Variants in IL1RAPL1 observed in about 807,000 individuals in gnomAD.
IL1RAPL1 encodes interleukin 1 receptor accessory protein like 1.
Under a neutral mutation model 48.4 loss-of-function variants are expected in IL1RAPL1, and 3 were observed. The observed-to-expected ratio is 0.06, with a 90% CI of 0.03 to 0.16. The LOEUF (loss-of-function observed/expected upper bound fraction) is 0.16. Ranked by LOEUF, IL1RAPL1 falls within the 10% of genes least tolerant of loss-of-function variation. IL1RAPL1 has a pLI of 1.00. For synonymous variants in IL1RAPL1, 185 were observed against 187.7 expected, an observed-to-expected ratio of 0.99 and a Z score of 0.12; for missense variants, 349 against 530.6, an observed-to-expected ratio of 0.66 and a Z score of 3.36.
intron 1 of IL1RAPL1, among the ~76,000 whole-genome samples, chrX:28,591,163 A>C (rs1266917474): frequency 4.5e-5 from 5 of 111,960 alleles, no homozygotes; most frequent in Admixed American, 9.5e-5. Flanking sequence ...AATATTTGGG[A>C]AAAAAAGAAA....
chrX:28,715,622 CTG>C (rs1935495496), intron 1 of IL1RAPL1, among the ~76,000 whole-genome samples: 1 of 111,457 alleles, frequency 9.0e-6, no homozygotes, highest in African/African-American at 3.3e-5. Context: ...CCTCCCAAGA[CTG>C]AACCAGGAAG....
intron 2 of IL1RAPL1, among the ~76,000 whole-genome samples, chrX:28,951,783 G>A (rs1352403784): frequency 1.8e-5 from 2 of 111,984 alleles, no homozygotes; most frequent in Admixed American, 1.9e-4. Context: ...TGGAGCATCT[G>A]AGCTTCCTGA....
intron 2 of IL1RAPL1, among the ~76,000 whole-genome samples, chrX:28,987,837 A>G (rs1925512279): frequency 8.9e-6 from 1 of 112,183 alleles, no homozygotes; most frequent in Admixed American, 9.5e-5. Flanking sequence ...GTGTATCAGG[A>G]TAAGTGGTCT....
intron 2 of IL1RAPL1, among the ~76,000 whole-genome samples, chrX:29,058,818 ACT>A (rs780335910): frequency 9.0e-6 from 1 of 111,559 alleles, no homozygotes; most frequent in East Asian, 2.8e-4. Flanking sequence ...GTGGAACGTG[ACT>A]CTCTTCAGCT....
At chrX:29,024,185 A>G (rs1157132027) in intron 2 of IL1RAPL1, among the ~76,000 whole-genome samples, 1 of 111,813 alleles carries the variant, frequency 8.9e-6, no homozygotes, top group East Asian at 2.8e-4. Flanking sequence ...AATCTCAGCT[A>G]TTGTGCAATG....
chrX:29,319,153 T>TCTATCTATCTGTCTGC (rs756619998), intron 3 of IL1RAPL1, among the ~76,000 whole-genome samples: 4 of 79,454 alleles, frequency 5.0e-5, no homozygotes, highest in Non-Finnish European at 4.8e-5. Flanking sequence ...TATCTGTCTA[T>TCTATCTATCTGTCTGC]CTGTCTGTCT....
intron 2 of IL1RAPL1, among the ~76,000 whole-genome samples, chrX:29,005,870 G>A (rs1925964901): frequency 9.0e-6 from 1 of 111,729 alleles, no homozygotes; most frequent in Non-Finnish European, 1.9e-5. Flanking sequence ...AATCTAATTT[G>A]CTAATATAAA....
intron 10 of IL1RAPL1, 107 bp downstream of exon 10, chrX:29,954,799 A>G (rs1159176775): frequency 2.8e-6 from 2 of 706,630 alleles, no homozygotes; most frequent in African/African-American, 4.2e-5. Flanking sequence ...CAAAATTTGT[A>G]TCTGTTAGTT....
At chrX:28,821,204 G>T (rs897788377) in intron 2 of IL1RAPL1, among the ~76,000 whole-genome samples, 1 of 112,014 alleles carries the variant, frequency 8.9e-6, no homozygotes, top group East Asian at 2.8e-4. Flanking sequence ...CTTGAATTTA[G>T]ATTTAATTAA....
chrX:29,643,614 C>A (rs973745260), intron 5 of IL1RAPL1, among the ~76,000 whole-genome samples: 3 of 111,660 alleles, frequency 2.7e-5, no homozygotes, highest in Non-Finnish European at 5.6e-5. Flanking sequence ...TTCATGATTC[C>A]TCTGTTTGTT....
At chrX:28,630,067 A>C (rs745312689) in intron 1 of IL1RAPL1, among the ~76,000 whole-genome samples, 4 of 111,976 alleles carry the variant, frequency 3.6e-5, no homozygotes, top group Non-Finnish European at 5.6e-5. Flanking sequence ...GAAGTTTAAA[A>C]GAACAATGAT....
intron 2 of IL1RAPL1, among the ~76,000 whole-genome samples, chrX:29,197,185 G>C (rs1850906080): frequency 9.0e-6 from 1 of 111,607 alleles, no homozygotes; most frequent in South Asian, 3.7e-4. Flanking sequence ...TTATATACAA[G>C]TTGAACAAAA....
At chrX:29,873,127 T>A (rs1047872722) in intron 6 of IL1RAPL1, among the ~76,000 whole-genome samples, 19 of 111,165 alleles carry the variant, frequency 1.7e-4, no homozygotes, top group Admixed American at 1.1e-3. Context: ...GAATAAAACA[T>A]AGCAGGTCTC....
intron 5 of IL1RAPL1, among the ~76,000 whole-genome samples, chrX:29,499,962 T>C (rs1935254427): frequency 9.0e-6 from 1 of 111,100 alleles, no homozygotes; most frequent in African/African-American, 3.3e-5. Context: ...ATTAGAATTC[T>C]TCTTTTTTCT....
intron 2 of IL1RAPL1, among the ~76,000 whole-genome samples, chrX:28,854,475 G>C (rs769938168): frequency 1.4e-4 from 15 of 110,114 alleles, no homozygotes; most frequent in Non-Finnish European, 2.3e-4. Flanking sequence ...GTGAAATATA[G>C]GTTTGATTAT....
At chrX:29,803,409 A>C (rs921153457) in intron 6 of IL1RAPL1, among the ~76,000 whole-genome samples, 19 of 95,059 alleles carry the variant, frequency 2.0e-4, no homozygotes, top group Non-Finnish European at 2.1e-5. Context: ...ATATATGTGT[A>C]TATGTGTATA....
intron 2 of IL1RAPL1, among the ~76,000 whole-genome samples, chrX:28,918,882 A>G (rs779230692): frequency 6.5e-4 from 72 of 111,455 alleles, no homozygotes; most frequent in Middle Eastern, 9.3e-3. Flanking sequence ...AGGGGGTTTG[A>G]GCTTCTTGAA....
chrX:29,751,903 G>T (rs773232514), intron 6 of IL1RAPL1, among the ~76,000 whole-genome samples: 47 of 107,210 alleles, frequency 4.4e-4, no homozygotes, highest in African/African-American at 1.6e-3. Flanking sequence ...CTGTGCTCCA[G>T]CCTGGACAAC....
intron 2 of IL1RAPL1, among the ~76,000 whole-genome samples, chrX:28,841,603 C>T (rs979522085): frequency 1.8e-5 from 2 of 110,737 alleles, no homozygotes; most frequent in African/African-American, 6.5e-5. Flanking sequence ...TGATAATCAT[C>T]ATATAAGCCA....
Sources: gnomAD v4.1 joint callset for allele counts (sites outside exome capture counted in the v4.1 genomes callset) on GRCh38, gnomAD v4.1.1 for gene constraint, MANE v1.5 for transcripts, NCBI Gene and HGNC (gene_info 2026-07-23, HGNC 2026-07-21) for gene names.